RGPD2: variants seen among roughly 807,000 people sequenced by gnomAD.
The protein encoded by RGPD2 is RANBP2 like and GRIP domain containing 2.
A neutral mutation model predicts 36.0 loss-of-function variants in RGPD2; 2 were observed. That is an observed-to-expected ratio of 0.06 (90% CI 0.02 to 0.17). The LOEUF (loss-of-function observed/expected upper bound fraction) is 0.17. Ranked by LOEUF, RGPD2 falls within the 10% of genes least tolerant of loss-of-function variation. RGPD2 has a pLI of 1.00. For missense variants in RGPD2, 40 were observed against 464.3 expected (o/e 0.09, Z 8.40); for synonymous variants, 19 against 163.8 (o/e 0.12, Z 6.75).
the RGPD2 span, among the ~76,000 whole-genome samples, chr2:87,937,510 A>C: frequency 6.6e-6 from 1 of 151,832 alleles, no homozygotes; most frequent in African/African-American, 2.4e-5. Context: ...AGAAAGGCAA[A>C]GGGAGAGTAG....
At chr2:87,905,214 A>G in the RGPD2 span, among the ~76,000 whole-genome samples, 1 of 152,392 alleles carries the variant, frequency 6.6e-6, no homozygotes, top group African/African-American at 2.4e-5. Flanking sequence ...GTGCAGCCGC[A>G]TTTCAGTGTG....
At chr2:87,978,963 G>A in the RGPD2 span, among the ~76,000 whole-genome samples, 15 of 151,034 alleles carry the variant, frequency 9.9e-5, no homozygotes, top group Admixed American at 9.9e-4. Flanking sequence ...GGCCGGGCAT[G>A]GTGGCTCACA....
At chr2:87,918,141 G>A in the RGPD2 span, among the ~76,000 whole-genome samples, 1 of 122,976 alleles carries the variant, frequency 8.1e-6, no homozygotes, top group Non-Finnish European at 1.7e-5. Context: ...AAGTGTCTCA[G>A]GACTTCCTAT....
the RGPD2 span, among the ~76,000 whole-genome samples, chr2:87,937,159 T>C: frequency 2.0e-5 from 3 of 151,760 alleles, no homozygotes; most frequent in African/African-American, 7.3e-5. Context: ...AAATACAATA[T>C]GTTAGCTAAT....
the RGPD2 span, among the ~76,000 whole-genome samples, chr2:87,910,569 A>T: frequency 6.6e-6 from 1 of 152,232 alleles, no homozygotes; most frequent in African/African-American, 2.4e-5. Flanking sequence ...TCTTTTATTC[A>T]TTCAACAAAT....
chr2:87,881,411 C>T, the RGPD2 span, among the ~76,000 whole-genome samples: 14 of 152,376 alleles, frequency 9.2e-5, no homozygotes, highest in Middle Eastern at 3.4e-3. Context: ...TCCTGCAGCG[C>T]ACTTTTTCCT....
chr2:87,920,808 A>G, the RGPD2 span, among the ~76,000 whole-genome samples: 1 of 95,838 alleles, frequency 1.0e-5, no homozygotes, highest in Admixed American at 1.1e-4. Context: ...GAAGGAATCT[A>G]GAAGTTTTGA....
chr2:87,937,154 CA>C, the RGPD2 span, among the ~76,000 whole-genome samples: 1 of 151,700 alleles, frequency 6.6e-6, no homozygotes, highest in African/African-American at 2.4e-5. Context: ...GGCAAAAATA[CA>C]ATATGTTAGC....
chr2:87,988,541 A>ATATATATATATATATTT, the RGPD2 span, among the ~76,000 whole-genome samples: 79 of 54,126 alleles, frequency 1.5e-3, 1 homozygote, highest in East Asian at 0.012. Context: ...ATATATATAT[A>ATATATATATATATATTT]TTTTTTTTTT....
the RGPD2 span, among the ~76,000 whole-genome samples, chr2:87,955,161 C>A: frequency 2.2e-5 from 2 of 91,098 alleles, no homozygotes; most frequent in African/African-American, 8.8e-5. Flanking sequence ...CTACAGGCGC[C>A]CCGCCACAAT....
the RGPD2 span, among the ~76,000 whole-genome samples, chr2:87,977,760 T>C: frequency 1.3e-5 from 2 of 152,170 alleles, no homozygotes. Flanking sequence ...TAAATATAAA[T>C]CATAGGCTTC....
the RGPD2 span, among the ~76,000 whole-genome samples, chr2:87,876,724 G>A: frequency 1.3e-5 from 2 of 152,186 alleles, no homozygotes; most frequent in African/African-American, 4.8e-5. Flanking sequence ...TATCTACCAG[G>A]TCTGCTTGAT....
At chr2:87,857,107 T>A in the RGPD2 span, among the ~76,000 whole-genome samples, 1 of 152,258 alleles carries the variant, frequency 6.6e-6, no homozygotes, top group African/African-American at 2.4e-5. Flanking sequence ...AACAGAAGAA[T>A]GTAATTTTAA....
the RGPD2 span, among the ~76,000 whole-genome samples, chr2:87,916,108 A>G: frequency 6.3e-3 from 957 of 150,834 alleles, no homozygotes; most frequent in East Asian, 0.043. Context: ...GTCTCAGTTT[A>G]TTACTAATCA....
chr2:87,940,736 C>T, the RGPD2 span, among the ~76,000 whole-genome samples: 17,432 of 144,296 alleles, frequency 0.12, 679 homozygotes, highest in African/African-American at 0.28. Flanking sequence ...AATTCTAAAA[C>T]ATAATGAGAA....
At chr2:87,935,238 A>G in the RGPD2 span, among the ~76,000 whole-genome samples, 1 of 148,084 alleles carries the variant, frequency 6.8e-6, no homozygotes, top group Non-Finnish European at 1.5e-5. Flanking sequence ...TCAATAGAGG[A>G]TCCTGATATC....
the RGPD2 span, among the ~76,000 whole-genome samples, chr2:87,974,702 C>T: frequency 2.0e-5 from 3 of 152,180 alleles, no homozygotes; most frequent in African/African-American, 7.2e-5. Flanking sequence ...TGGTCAAGTC[C>T]TCATCTGATT....
At chr2:87,986,151 TTTGA>T in the RGPD2 span, among the ~76,000 whole-genome samples, 2 of 139,964 alleles carry the variant, frequency 1.4e-5, no homozygotes. Context: ...TTTTTTTTTT[TTTGA>T]GAGAGTGTCT....
At chr2:87,974,841 C>T in the RGPD2 span, among the ~76,000 whole-genome samples, 106 of 152,276 alleles carry the variant, frequency 7.0e-4, 1 homozygote, top group East Asian at 0.016. Context: ...CCTAAACCAT[C>T]ATCATCTGTT....
Sources: allele counts gnomAD v4.1 joint callset (sites outside exome capture counted in the v4.1 genomes callset), GRCh38; gene constraint gnomAD v4.1.1; transcripts MANE v1.5; gene names NCBI Gene and HGNC (gene_info 2026-07-23, HGNC 2026-07-21).